Variants in CX3CL1 observed in about 807,000 individuals in gnomAD.
CX3CL1 encodes C-X3-C motif chemokine ligand 1, also known as fractalkine.
A neutral mutation model predicts 14.1 loss-of-function variants in CX3CL1; 1 was observed. That is an observed-to-expected ratio of 0.07 (90% confidence interval 0.03 to 0.34). The LOEUF is 0.34. CX3CL1 is among the 10% of genes least tolerant of loss of function. The pLI is 0.99. For synonymous variants in CX3CL1, 255 were observed against 229.6 expected (o/e 1.11, Z -1.00); for missense variants, 505 against 536.4 (o/e 0.94, Z 0.58).
At chr16:57,379,809 C>T in intron 2 of CX3CL1, 55 bp downstream of exon 2, 1 of 1,601,116 alleles carries the variant, frequency 6.2e-7, no homozygotes, top group East Asian at 2.2e-5. Flanking sequence ...GGAATATTCC[C>T]AGACCTCTGA....
chr16:57,372,563 T>G lies in CX3CL1; in HGVS notation c.-6T>G. On this transcript the variant is annotated 5_prime_UTR_variant, in exon 1 of 3. Coordinates refer to ENST00000006053, the MANE Select transcript of CX3CL1 (RefSeq NM_002996.6). ...CCCCCGCCGGGACTCTTGCCCACCC[T>G]CAGCCATGGCTCCGATATCTCTGTC... The G allele has an allele frequency of 1.2e-6, 2 of 1,611,708 alleles. No homozygotes were observed. Among genetic ancestry groups the G allele is most frequent in the Non-Finnish European group, 8.5e-7 (1 of 1,179,862 alleles).
chr16:57,377,109 T>C (rs1902257403), intron 1 of CX3CL1: 1 of 152,088 alleles, frequency 6.6e-6, no homozygotes, highest in Non-Finnish European at 1.5e-5. Context: ...GCCCTGGAGG[T>C]GGGCAATGGC....
rs1218045303 is a variant in CX3CL1 at position 57,382,900 on chromosome 16, C to T, written c.1062C>T (p.Cys354=). ...TGGCCTTCCTTGGCCTCCTCTTCTG[C>T]CTGGGGGTGGCCATGTTCACCTACC... ...GLLAFLGLLF[C]LGVAMFTYQS... Residue 354 remains cysteine, a synonymous_variant, in exon 3 of 3, where the codon TGC becomes TGT. Coordinates refer to ENST00000006053, the MANE Select transcript of CX3CL1 (RefSeq NM_002996.6). This position sits in a 1 kb window ranked among gnomAD's most constrained non-coding sequence, Gnocchi z 6.9. 3 of 1,554,732 alleles carry T rather than the reference C, an allele frequency of 1.9e-6. No homozygotes were observed. Among genetic ancestry groups the T allele is most frequent in the South Asian group, 1.2e-5 (1 of 82,272 alleles).
rs1232411444 is a variant in CX3CL1 at position 57,372,534 on chromosome 16, C to T, written c.-35C>T. 2 of 1,604,116 alleles carry T rather than the reference C, an allele frequency of 1.2e-6. No individual in the cohort carries two copies. Among genetic ancestry groups the T allele is most frequent in the Non-Finnish European group, 1.7e-6 (2 of 1,176,666 alleles). ...CTGCCGCCTGGCTCTAGCCGCCTGCCTGGCCCCCGCCGGGACTCTTGCCCA... is the reference window on the plus strand; with the variant it reads ...CTGCCGCCTGGCTCTAGCCGCCTGCTTGGCCCCCGCCGGGACTCTTGCCCA... On this transcript the variant is annotated 5_prime_UTR_variant, in exon 1 of 3. Transcript: ENST00000006053.
In CX3CL1 at chr16:57,382,889, C is replaced by T. The variant is rs759331735; in HGVS notation, c.1051C>T (p.Leu351Phe). The T allele has an allele frequency of 6.4e-7, 1 of 1,559,740 alleles. No homozygotes were observed. Among genetic ancestry groups the T allele is most frequent in the Non-Finnish European group, 8.7e-7 (1 of 1,148,900 alleles). The stretch of plus-strand genomic sequence containing the variant: ...GGTGGGGCTGCTGGCCTTCCTTGGC[C>T]TCCTCTTCTGCCTGGGGGTGGCCAT... Reference protein sequence around the residue: ...QAVGLLAFLGLLFCLGVAMFT... With the variant: ...QAVGLLAFLGFLFCLGVAMFT... The change falls in exon 3 of 3, where the codon CTC becomes TTC. Residue 351 changes from leucine (L) to phenylalanine (F), a missense_variant. Physicochemically the swap from Leu to Phe is conservative, Grantham distance 22. Transcript: ENST00000006053. This position sits in a 1 kb window ranked among gnomAD's most constrained non-coding sequence, Gnocchi z 6.9.
chr16:57,374,693 G>T (rs1208689905), intron 1 of CX3CL1, among the ~76,000 whole-genome samples: 1 of 152,196 alleles, frequency 6.6e-6, no homozygotes. Flanking sequence ...TGACAAACCT[G>T]GTTCTAGGTA....
intron 2 of CX3CL1, among the ~76,000 whole-genome samples, chr16:57,381,530 C>G (rs148951620): frequency 0.011 from 1,715 of 152,210 alleles, 39 homozygotes; most frequent in African/African-American, 0.039. Context: ...AGGCCCCATA[C>G]AGAGCTCACC....
chr16:57,374,565 T>C (rs1188568295), intron 1 of CX3CL1, among the ~76,000 whole-genome samples: 3 of 152,188 alleles, frequency 2.0e-5, no homozygotes, highest in Non-Finnish European at 2.9e-5. Context: ...TCCAGGCCCC[T>C]GTCTAATTTA....
chr16:57,372,658 G>C lies in CX3CL1; in HGVS notation c.70+20G>C. Reference sequence around the variant, plus strand: ...TGGCTGGTAAGTGGGGCTTGACTTGGGCACAAACAGGGTAGGGAGCCCCCA... The same window carrying C: ...TGGCTGGTAAGTGGGGCTTGACTTGCGCACAAACAGGGTAGGGAGCCCCCA... On this transcript the variant is annotated intron_variant, in intron 1 of 2. Coordinates refer to ENST00000006053, the MANE Select transcript of CX3CL1 (RefSeq NM_002996.6). The C allele has an allele frequency of 6.2e-7, 1 of 1,612,796 alleles. No homozygotes were observed. The highest frequency in any genetic ancestry group is 8.5e-7 in the Non-Finnish European group (1 of 1,179,610).
At chr16:57,373,632 A>T (rs1902207660) in intron 1 of CX3CL1, among the ~76,000 whole-genome samples, 1 of 152,048 alleles carries the variant, frequency 6.6e-6, no homozygotes, top group South Asian at 2.1e-4. Flanking sequence ...TGGGGCAGGG[A>T]GCAGGTGTGT....
At chr16:57,379,573 G>A (rs544663399) in intron 1 of CX3CL1, 61 bp from the exon 2 acceptor site, 37 of 1,608,632 alleles carry the variant, frequency 2.3e-5, no homozygotes, top group Middle Eastern at 3.3e-4. Flanking sequence ...AATCTGGCAC[G>A]GGGTTGGGAA....
chr16:57,379,591 G>A (rs1346385457), intron 1 of CX3CL1, 43 bp from the exon 2 acceptor site: 3 of 1,613,344 alleles, frequency 1.9e-6, no homozygotes, highest in Admixed American at 1.7e-5. Context: ...GAAGCCAGAT[G>A]CCCACAGACA....
intron 1 of CX3CL1, chr16:57,378,242 G>T (rs1902270929): frequency 6.6e-6 from 1 of 152,178 alleles, no homozygotes; most frequent in African/African-American, 2.4e-5. Context: ...GAAAGCAGTT[G>T]TACTTATATA....
Position 57,382,321 on chromosome 16 carries a change from G to A in CX3CL1, c.483G>A (p.Val161=). ...LGTSPELPTG[V]TGSSGTRLPP... is the part of the protein sequence containing the mutation. ...CCTCCCCAGAGCTGCCGACGGGCGT[G>A]ACTGGTTCCTCAGGGACCAGGCTCC... Residue 161 remains valine (V), a synonymous_variant, in exon 3 of 3, where the codon GTG becomes GTA. Coordinates refer to ENST00000006053, the MANE Select transcript of CX3CL1 (RefSeq NM_002996.6). The surrounding 1 kb of genome is among the most constrained non-coding windows in gnomAD (Gnocchi z 6.9). 1.2e-6 allele frequency: 2 copies of A among 1,605,364 alleles called. No homozygotes were observed. The highest frequency in any genetic ancestry group is 1.3e-5 in the African/African-American group (1 of 74,894).
At position 57,382,220 on chromosome 16, in the gene CX3CL1, G is replaced by A; in HGVS notation, c.382G>A (p.Glu128Lys). Residue 128 changes from glutamate (E) to lysine (K), a missense_variant, in exon 3 of 3, where the codon GAG becomes AAG. By Grantham distance (56) the Glu-to-Lys change is moderately conservative. Transcript: ENST00000006053. The surrounding 1 kb of genome is among the most constrained non-coding windows in gnomAD (Gnocchi z 6.9). ...AGGMDESVVLEPEATGESSSL... is the reference protein window; with the variant it reads ...AGGMDESVVLKPEATGESSSL... ...GGGAATGGACGAGTCTGTGGTCCTG[G>A]AGCCCGAAGCCACAGGCGAAAGCAG... 6.2e-7 allele frequency: 1 copy of A among 1,612,706 alleles called. No individual in the cohort carries two copies. Among genetic ancestry groups the A allele is most frequent in the Non-Finnish European group, 8.5e-7 (1 of 1,179,400 alleles).
At chr16:57,373,098 A>C (rs1902201813) in intron 1 of CX3CL1, among the ~76,000 whole-genome samples, 1 of 152,076 alleles carries the variant, frequency 6.6e-6, no homozygotes, top group Non-Finnish European at 1.5e-5. Context: ...TCCTGTTTTC[A>C]AAGCCCCCAG....
rs760676162 is a variant in CX3CL1, at chr16:57,382,225, C to G, written c.387C>G (p.Pro129=). Residue 129 remains proline, a synonymous_variant, in exon 3 of 3, where the codon CCC becomes CCG. Transcript: ENST00000006053. This position sits in a 1 kb window ranked among gnomAD's most constrained non-coding sequence, Gnocchi z 6.9. ...TGGACGAGTCTGTGGTCCTGGAGCC[C>G]GAAGCCACAGGCGAAAGCAGTAGCC... ...GGMDESVVLE[P]EATGESSSLE... The G allele has an allele frequency of 6.2e-6, 10 of 1,612,424 alleles. 1 individual carries two copies. Among genetic ancestry groups the G allele is most frequent in the Admixed American group, 1.7e-5 (1 of 59,982 alleles).
At chr16:57,379,156 G>A (rs112546601) in intron 1 of CX3CL1, 2,489 of 156,318 alleles carry the variant, frequency 0.016, 78 homozygotes, top group African/African-American at 0.056. Flanking sequence ...GAGAAACCCC[G>A]TCTCTACTAA....
In CX3CL1 at chr16:57,384,701, C is replaced by T. The variant is rs1902388577; in HGVS notation, c.*1669C>T. 6.6e-6 allele frequency: 1 copy of T among 152,556 alleles called. No individual in the cohort carries two copies. 9.5% of individuals were successfully genotyped at this position (152,556 alleles called of 1,614,324 possible). ...CACTCCCCTGCTGGGTGTGGCGCAG[C>T]ATATTCAGGAAGCTCAGGGCCTGGC... On this transcript the variant is annotated 3_prime_UTR_variant, in exon 3 of 3. Coordinates refer to ENST00000006053, the MANE Select transcript of CX3CL1 (RefSeq NM_002996.6).
Sources: gnomAD v4.1 joint callset for allele counts (sites outside exome capture counted in the v4.1 genomes callset) on GRCh38, gnomAD v4.1.1 for gene constraint, Gnocchi (gnomAD v3.1) non-coding constraint, MANE v1.5 for transcripts, NCBI Gene and HGNC (gene_info 2026-07-23, HGNC 2026-07-21) for gene names.